PTPRR: variants seen among roughly 807,000 people sequenced by gnomAD.
The protein encoded by PTPRR is protein tyrosine phosphatase receptor type R.
Under a neutral mutation model 77.2 loss-of-function variants are expected in PTPRR, and 38 were observed. The observed-to-expected ratio is 0.49, with a 90% CI of 0.38 to 0.65. The LOEUF (loss-of-function observed/expected upper bound fraction) is 0.65. PTPRR is among the 30% of genes least tolerant of loss of function. PTPRR has a pLI of 0.00. For missense variants in PTPRR, 744 were observed against 799.2 expected, an observed-to-expected ratio of 0.93 and a Z score of 0.83; for synonymous variants, 299 against 283.1, an observed-to-expected ratio of 1.06 and a Z score of -0.57.
At chr12:70,767,803 G>C (rs947277805) in intron 2 of PTPRR, among the ~76,000 whole-genome samples, 1 of 151,994 alleles carries the variant, frequency 6.6e-6, no homozygotes, top group Non-Finnish European at 1.5e-5. Flanking sequence ...AACAGAAATT[G>C]TAACAATTGT....
chr12:70,681,389 C>T lies in PTPRR; in HGVS notation c.1497+2738G>A, dbSNP rs115071105. ...CTGTCAGGCAGCTCCCTAAACTGGACTCAGGGTCTGTAGAAACTGCAGGAT... is the reference window on the plus strand; with the variant it reads ...CTGTCAGGCAGCTCCCTAAACTGGATTCAGGGTCTGTAGAAACTGCAGGAT... On this transcript the variant is annotated intron_variant, in intron 10 of 13. Transcript: ENST00000283228. Among the ~76,000 whole-genome samples the T allele has an allele frequency of 4.7e-3, 721 of 152,326 alleles. 8 individuals are homozygous for T. The highest frequency in any genetic ancestry group is 0.017 in the African/African-American group (695 of 41,578).
At chr12:70,695,781 G>A (rs1334852624) in intron 8 of PTPRR, among the ~76,000 whole-genome samples, 4 of 151,962 alleles carry the variant, frequency 2.6e-5, no homozygotes, top group African/African-American at 4.8e-5. Context: ...ATTCTAACAC[G>A]CAGCACTTTC....
At chr12:70,854,229 TTC>T (rs1892617112) in intron 2 of PTPRR, among the ~76,000 whole-genome samples, 2 of 152,226 alleles carry the variant, frequency 1.3e-5, no homozygotes, top group Non-Finnish European at 2.9e-5. Flanking sequence ...CACATTCAAC[TTC>T]TGTGTGTCAC....
intron 2 of PTPRR, among the ~76,000 whole-genome samples, chr12:70,781,592 T>A (rs956982615): frequency 6.6e-6 from 1 of 152,150 alleles, no homozygotes. Flanking sequence ...TGCCAAAGCG[T>A]TATTGAGTAA....
intron 6 of PTPRR, among the ~76,000 whole-genome samples, chr12:70,729,159 A>T (rs562327621): frequency 2.4e-4 from 37 of 152,322 alleles, no homozygotes; most frequent in African/African-American, 8.9e-4. Context: ...ATATAAATAT[A>T]TTCAAATACA....
rs142909764 is a variant in PTPRR, at chr12:70,708,815, AACACACACACAC to A, written c.1008-7504_1008-7493del. On this transcript the variant is annotated intron_variant, in intron 6 of 13. Transcript: ENST00000283228. ...TGATTTAAATATAAATACAAATACA[AACACACACACAC>A]ACACACACACACACACACGGCATTT... 6.7e-5 allele frequency among the ~76,000 whole-genome samples: 6 copies of A among 88,962 alleles called. No individual in the cohort carries two copies. In the South Asian group the frequency reaches 2.9e-3, roughly 42 times the overall value. The allele number at this position is 88,962 out of a possible 152,430, so 58.4% of individuals were successfully genotyped here.
chr12:70,877,643 G>T (rs1174982767), intron 2 of PTPRR, among the ~76,000 whole-genome samples: 1 of 152,126 alleles, frequency 6.6e-6, no homozygotes, highest in African/African-American at 2.4e-5. Context: ...CGGGTAGGAA[G>T]AATCAATATG....
chr12:70,845,013 G>A (rs180717602), intron 2 of PTPRR, among the ~76,000 whole-genome samples: 2 of 152,324 alleles, frequency 1.3e-5, no homozygotes, highest in Admixed American at 1.3e-4. Context: ...AAGGATTTAT[G>A]TGGGCTGTTA....
intron 13 of PTPRR, among the ~76,000 whole-genome samples, chr12:70,643,875 C>T (rs1407273706): frequency 6.6e-6 from 1 of 152,198 alleles, no homozygotes; most frequent in South Asian, 2.1e-4. Context: ...TCTCCTTAGC[C>T]TCCCAAGTAG....
intron 2 of PTPRR, among the ~76,000 whole-genome samples, chr12:70,781,088 T>G (rs1044909963): frequency 1.3e-5 from 2 of 152,182 alleles, no homozygotes; most frequent in African/African-American, 4.8e-5. Context: ...AGCAGCTCTA[T>G]CAGCAATATA....
chr12:70,896,820 T>A (rs1893436557), intron 1 of PTPRR, among the ~76,000 whole-genome samples: 1 of 151,860 alleles, frequency 6.6e-6, no homozygotes, highest in Non-Finnish European at 1.5e-5. Flanking sequence ...AGTTTCAGCT[T>A]TCTACATATG....
intron 2 of PTPRR, among the ~76,000 whole-genome samples, chr12:70,805,528 C>T (rs955057643): frequency 6.6e-6 from 1 of 151,950 alleles, no homozygotes; most frequent in African/African-American, 2.4e-5. Context: ...TCCTTTTTTA[C>T]TTTTTAAACT....
intron 2 of PTPRR, among the ~76,000 whole-genome samples, chr12:70,842,052 A>G (rs557792897): frequency 6.6e-6 from 1 of 152,232 alleles, no homozygotes; most frequent in African/African-American, 2.4e-5. Flanking sequence ...GAAGTAATTT[A>G]CAGCCATATT....
In PTPRR at chr12:70,821,213, C is replaced by CTTTT. The variant is rs61539990; in HGVS notation, c.358-56439_358-56436dup. ...CAAAACATGTTGAAAGGGATCACTGCTTTTTTTTTTTTTTTTTTTTTTTTT... is the reference window on the plus strand; with the variant it reads ...CAAAACATGTTGAAAGGGATCACTGCTTTTTTTTTTTTTTTTTTTTTTTTTTTTT... On this transcript the variant is annotated intron_variant, in intron 2 of 13. Transcript: ENST00000283228. Among the ~76,000 whole-genome samples the CTTTT allele has an allele frequency of 5.0e-3, 159 of 31,992 alleles. 31 individuals are homozygous for CTTTT. The highest frequency in any genetic ancestry group is 0.034 in the East Asian group (15 of 438). 21.0% of individuals were successfully genotyped at this position (31,992 alleles called of 152,430 possible).
chr12:70,869,583 A>C (rs1350532933), intron 2 of PTPRR, among the ~76,000 whole-genome samples: 1 of 152,204 alleles, frequency 6.6e-6, no homozygotes, highest in Non-Finnish European at 1.5e-5. Flanking sequence ...CGATGTGATT[A>C]AGTTAACTAT....
At chr12:70,798,609 C>A (rs12301389) in intron 2 of PTPRR, among the ~76,000 whole-genome samples, 1 of 152,092 alleles carries the variant, frequency 6.6e-6, no homozygotes, top group Non-Finnish European at 1.5e-5. Context: ...TTTTGCAAAC[C>A]CTTGTCCTGG....
Position 70,691,225 on chromosome 12 carries a change from C to T in PTPRR, c.1280-6442G>A, listed in dbSNP as rs550491937. 9.2e-5 allele frequency among the ~76,000 whole-genome samples: 14 copies of T among 152,288 alleles called. No individual in the cohort carries two copies. In the East Asian group the frequency reaches 2.7e-3, roughly 29 times the overall value. On this transcript the variant is annotated intron_variant, in intron 8 of 13. Coordinates refer to ENST00000283228, the MANE Select transcript of PTPRR (RefSeq NM_002849.4). ...GCCCTTGCTAAGGTCACCACTGACC[C>T]TCTTGTTGTTAAGCCCAGTGATCCC...
chr12:70,858,455 T>C (rs1892690537), intron 2 of PTPRR, among the ~76,000 whole-genome samples: 2 of 152,054 alleles, frequency 1.3e-5, no homozygotes, highest in South Asian at 4.1e-4. Flanking sequence ...GCACATCCCA[T>C]TGTAGCAGTG....
intron 10 of PTPRR, among the ~76,000 whole-genome samples, chr12:70,665,364 CTTTTTTTTTTTTTTTTTTT>C (rs72472808): frequency 2.9e-4 from 13 of 44,608 alleles, no homozygotes; most frequent in Admixed American, 7.9e-4. Flanking sequence ...AATGCAAATT[CTTTTTTTTTTTTTTTTTTT>C]TTTTTTTTTT....
Sources: gnomAD v4.1 joint callset for allele counts (sites outside exome capture counted in the v4.1 genomes callset) on GRCh38, gnomAD v4.1.1 for gene constraint, MANE v1.5 for transcripts, NCBI Gene and HGNC (gene_info 2026-07-23, HGNC 2026-07-21) for gene names.